The following GRID2 variants were observed in gnomAD, a reference collection of about 807,000 sequenced individuals.
GRID2 encodes the protein glutamate ionotropic receptor delta type subunit 2, also known as glutamate receptor ionotropic, delta-2.
A neutral mutation model predicts 114.8 loss-of-function variants in GRID2; 33 were observed. That is an observed-to-expected ratio of 0.29 (90% CI 0.22 to 0.38). The LOEUF (loss-of-function observed/expected upper bound fraction) is 0.38, where lower values mean the gene tolerates loss of function less well. Among genes scored for constraint, GRID2 ranks in the 10% least tolerant of loss-of-function variants. The pLI is 1.00. For synonymous variants in GRID2, 505 were observed against 449.9 expected (o/e 1.12, Z -1.55); for missense variants, 1,184 against 1,257.7 (o/e 0.94, Z 0.89).
chr4:92,739,882 T>A (rs1736785810), intron 2 of GRID2, among the ~76,000 whole-genome samples: 1 of 152,154 alleles, frequency 6.6e-6, no homozygotes, highest in African/African-American at 2.4e-5. Flanking sequence ...GAAACTGATA[T>A]TACCAGTATA....
rs143211308 is a variant in GRID2 at position 92,948,689 on chromosome 4, A to G, written c.245-136306A>G. 4.0e-3 allele frequency among the ~76,000 whole-genome samples: 614 copies of G among 152,022 alleles called. 5 individuals are homozygous for G. The highest frequency in any genetic ancestry group is 0.01 in the Middle Eastern group (3 of 292). On this transcript the variant is annotated intron_variant, in intron 2 of 15. Transcript: ENST00000282020. ...CGTTCTTAATTTTTTAGGGAATGGAACTCATTATGAAACATACAAACATGT... is the reference window on the plus strand; with the variant it reads ...CGTTCTTAATTTTTTAGGGAATGGAGCTCATTATGAAACATACAAACATGT...
At chr4:93,221,246 T>C (rs1217008190) in intron 6 of GRID2, among the ~76,000 whole-genome samples, 1 of 151,994 alleles carries the variant, frequency 6.6e-6, no homozygotes, top group Non-Finnish European at 1.5e-5. Flanking sequence ...ACAGAAACAT[T>C]GAAACACAAG....
intron 1 of GRID2, among the ~76,000 whole-genome samples, chr4:92,489,312 GTTAT>G (rs1246114298): frequency 6.6e-6 from 1 of 151,986 alleles, no homozygotes; most frequent in Admixed American, 6.6e-5. Flanking sequence ...TGTCCTAAAT[GTTAT>G]TTAAGAAATC....
At chr4:92,430,492 G>A (rs1030927502) in intron 1 of GRID2, among the ~76,000 whole-genome samples, 1 of 152,134 alleles carries the variant, frequency 6.6e-6, no homozygotes, top group African/African-American at 2.4e-5. Context: ...CCAGTACCAT[G>A]CTGTTCCAGT....
At chr4:93,472,612 A>G (rs948291553) in intron 11 of GRID2, among the ~76,000 whole-genome samples, 2 of 152,044 alleles carry the variant, frequency 1.3e-5, no homozygotes, top group African/African-American at 2.4e-5. Flanking sequence ...GCTGGTAAAC[A>G]GTGTGAGGAT....
intron 1 of GRID2, among the ~76,000 whole-genome samples, chr4:92,445,436 C>A (rs1733404816): frequency 6.6e-6 from 1 of 152,136 alleles, no homozygotes; most frequent in African/African-American, 2.4e-5. Context: ...TGTTTGAAAT[C>A]TTTTTCAGCC....
At chr4:92,774,152 A>G (rs1738673695) in intron 2 of GRID2, among the ~76,000 whole-genome samples, 1 of 152,126 alleles carries the variant, frequency 6.6e-6, no homozygotes, top group Non-Finnish European at 1.5e-5. Context: ...AGGTGGAAGT[A>G]AGAGTATAAG....
chr4:93,467,686 G>C (rs997945770), intron 11 of GRID2, among the ~76,000 whole-genome samples: 3 of 152,196 alleles, frequency 2.0e-5, no homozygotes, highest in Admixed American at 2.0e-4. Context: ...CACCCAAGGA[G>C]TGCTATAATC....
chr4:92,795,855 A>G (rs1452081428), intron 2 of GRID2, among the ~76,000 whole-genome samples: 1 of 151,890 alleles, frequency 6.6e-6, no homozygotes, highest in Non-Finnish European at 1.5e-5. Context: ...TGTGGTGTCT[A>G]TTAGCTCTTC....
intron 1 of GRID2, among the ~76,000 whole-genome samples, chr4:92,384,719 A>G (rs945410356): frequency 2.3e-5 from 3 of 131,752 alleles, no homozygotes; most frequent in African/African-American, 8.7e-5. Flanking sequence ...TTTGGGAGCC[A>G]TATAAATATT....
chr4:93,731,591 C>T (rs1283859287), intron 14 of GRID2, among the ~76,000 whole-genome samples: 1 of 152,156 alleles, frequency 6.6e-6, no homozygotes, highest in African/African-American at 2.4e-5. Context: ...GAGACTACAG[C>T]AAGGCAGGGA....
intron 14 of GRID2, among the ~76,000 whole-genome samples, chr4:93,738,546 A>G (rs1419414983): frequency 1.3e-5 from 2 of 152,128 alleles, no homozygotes; most frequent in African/African-American, 2.4e-5. Context: ...TGCCTAATAG[A>G]CTTAATGATA....
At chr4:93,358,388 T>A (rs1025342851) in intron 8 of GRID2, among the ~76,000 whole-genome samples, 7 of 151,942 alleles carry the variant, frequency 4.6e-5, no homozygotes, top group African/African-American at 1.4e-4. Flanking sequence ...AAATTGTACT[T>A]CTGTTTTTAA....
chr4:93,109,670 T>C (rs1732583086), intron 3 of GRID2, among the ~76,000 whole-genome samples: 1 of 152,146 alleles, frequency 6.6e-6, no homozygotes, highest in African/African-American at 2.4e-5. Context: ...GTTTCTCTAG[T>C]ATTTGCCCTT....
intron 2 of GRID2, among the ~76,000 whole-genome samples, chr4:92,606,080 C>T (rs1301301049): frequency 3.7e-5 from 5 of 135,986 alleles, no homozygotes; most frequent in Admixed American, 2.2e-4. Flanking sequence ...AATAAATTTA[C>T]TCAGTTTTCC....
At chr4:92,756,649 T>G (rs1192795006) in intron 2 of GRID2, among the ~76,000 whole-genome samples, 1 of 152,098 alleles carries the variant, frequency 6.6e-6, no homozygotes, top group African/African-American at 2.4e-5. Context: ...GGTAAGATGA[T>G]ATTTTATTTT....
At chr4:92,632,221 A>T (rs537752824) in intron 2 of GRID2, among the ~76,000 whole-genome samples, 1 of 152,158 alleles carries the variant, frequency 6.6e-6, no homozygotes, top group Non-Finnish European at 1.5e-5. Flanking sequence ...TTAGACTATT[A>T]TCACTTTTAT....
At chr4:92,724,405 T>C (rs555067146) in intron 2 of GRID2, among the ~76,000 whole-genome samples, 1 of 152,302 alleles carries the variant, frequency 6.6e-6, no homozygotes, top group South Asian at 2.1e-4. Context: ...AGCTCTATCA[T>C]GTTCATCTCA....
intron 14 of GRID2, among the ~76,000 whole-genome samples, chr4:93,716,259 T>C (rs532675151): frequency 2.0e-5 from 3 of 152,186 alleles, no homozygotes; most frequent in Admixed American, 6.5e-5. Flanking sequence ...ATAAAAGATA[T>C]AGAAAAGATG....
Sources: allele counts gnomAD v4.1 joint callset (sites outside exome capture counted in the v4.1 genomes callset), GRCh38; gene constraint gnomAD v4.1.1; transcripts MANE v1.5; gene names NCBI Gene and HGNC (gene_info 2026-07-23, HGNC 2026-07-21).